LRRC4C: variants seen among roughly 807,000 people sequenced by gnomAD.
LRRC4C encodes leucine-rich repeat-containing protein 4C.
Under a neutral mutation model 33.6 loss-of-function variants are expected in LRRC4C, and 5 were observed. The observed-to-expected ratio is 0.15, with a 90% CI of 0.08 to 0.31. The LOEUF is 0.31. LRRC4C is among the 10% of genes least tolerant of loss of function. LRRC4C has a pLI of 1.00. For synonymous variants in LRRC4C, 329 were observed against 302.0 expected (o/e 1.09, Z -0.93); for missense variants, 560 against 796.7 (o/e 0.70, Z 3.58).
chr11:40,713,046 G>A (rs1462554981), intron 2 of LRRC4C, among the ~76,000 whole-genome samples: 1 of 144,562 alleles, frequency 6.9e-6, no homozygotes, highest in Non-Finnish European at 1.5e-5. Flanking sequence ...ATGCCACAAT[G>A]CCTGGCTAAT....
Position 41,302,252 on chromosome 11 carries a change from G to T in LRRC4C, c.-496+157179C>A, listed in dbSNP as rs528769150. On this transcript the variant is annotated intron_variant, in intron 1 of 6. Coordinates refer to ENST00000528697, the MANE Select transcript of LRRC4C (RefSeq NM_001258419.2). Reference sequence around the variant, plus strand: ...ACCTCAAATAGATAAATATTTGAGAGGAAATGTGGAATGGACTGTAACCTT... The same window carrying T: ...ACCTCAAATAGATAAATATTTGAGATGAAATGTGGAATGGACTGTAACCTT... Among the ~76,000 whole-genome samples, 8 of 152,292 alleles carry T rather than the reference G, an allele frequency of 5.3e-5. No individual in the cohort carries two copies. In the East Asian group the frequency reaches 1.5e-3, roughly 29 times the overall value.
At chr11:41,182,394 A>T (rs1214601320) in intron 1 of LRRC4C, among the ~76,000 whole-genome samples, 2 of 152,172 alleles carry the variant, frequency 1.3e-5, no homozygotes, top group Non-Finnish European at 2.9e-5. Context: ...AAAACTACCA[A>T]TTTATCTCTA....
chr11:40,140,422 G>A (rs7952540), intron 6 of LRRC4C, among the ~76,000 whole-genome samples: 42,978 of 151,908 alleles, frequency 0.28, 6,476 homozygotes, highest in Non-Finnish European at 0.33. Flanking sequence ...TTCTGTCCAT[G>A]AGCCACCAAT....
chr11:40,368,515 A>C (rs1948312614), intron 3 of LRRC4C, among the ~76,000 whole-genome samples: 1 of 152,190 alleles, frequency 6.6e-6, no homozygotes, highest in Non-Finnish European at 1.5e-5. Context: ...ACTAGACAGT[A>C]CGTTTTATAT....
chr11:40,353,039 T>A (rs1220585067), intron 3 of LRRC4C, among the ~76,000 whole-genome samples: 1 of 152,184 alleles, frequency 6.6e-6, no homozygotes, highest in African/African-American at 2.4e-5. Flanking sequence ...CTTTGATTAT[T>A]AAATGTATTG....
At chr11:40,414,469 A>T (rs760042177) in intron 3 of LRRC4C, among the ~76,000 whole-genome samples, 1 of 152,170 alleles carries the variant, frequency 6.6e-6, no homozygotes, top group Non-Finnish European at 1.5e-5. Flanking sequence ...GCCATCTTAA[A>T]GTTTAGGCTT....
intron 1 of LRRC4C, among the ~76,000 whole-genome samples, chr11:41,428,117 C>T (rs942908670): frequency 9.2e-5 from 14 of 152,052 alleles, no homozygotes; most frequent in African/African-American, 2.7e-4. Context: ...CACATGGATA[C>T]GAGTGAGAAA....
At chr11:41,169,693 A>G (rs536747790) in intron 1 of LRRC4C, among the ~76,000 whole-genome samples, 1 of 152,300 alleles carries the variant, frequency 6.6e-6, no homozygotes, top group Admixed American at 6.5e-5. Context: ...ACTTTAAATT[A>G]CAGCAATAAA....
intron 1 of LRRC4C, among the ~76,000 whole-genome samples, chr11:41,377,841 T>G (rs530597301): frequency 1.3e-5 from 2 of 150,262 alleles, no homozygotes; most frequent in Non-Finnish European, 2.9e-5. Flanking sequence ...AACAGTGACT[T>G]TCCAGCAGCT....
At chr11:41,093,369 C>G (rs1940567406) in intron 1 of LRRC4C, among the ~76,000 whole-genome samples, 1 of 152,196 alleles carries the variant, frequency 6.6e-6, no homozygotes, top group South Asian at 2.1e-4. Context: ...CAACTTGCAG[C>G]AGCAACAATT....
intron 3 of LRRC4C, among the ~76,000 whole-genome samples, chr11:40,358,347 C>A (rs1947778641): frequency 6.6e-6 from 1 of 152,068 alleles, no homozygotes; most frequent in African/African-American, 2.4e-5. Flanking sequence ...GCGGTGGGAT[C>A]TTGGCTAACT....
intron 2 of LRRC4C, among the ~76,000 whole-genome samples, chr11:40,780,115 C>T (rs937679603): frequency 1.3e-5 from 2 of 152,074 alleles, no homozygotes; most frequent in African/African-American, 2.4e-5. Flanking sequence ...CTGAAAAATA[C>T]TAAAATATTA....
chr11:40,573,507 T>C (rs1326615136), intron 3 of LRRC4C, among the ~76,000 whole-genome samples: 4 of 152,182 alleles, frequency 2.6e-5, no homozygotes, highest in Non-Finnish European at 4.4e-5. Context: ...TAACTGTTTC[T>C]TTTTTCAGAC....
chr11:41,231,419 TGGA>T (rs1947788278), intron 1 of LRRC4C, among the ~76,000 whole-genome samples: 1 of 151,702 alleles, frequency 6.6e-6, no homozygotes. Context: ...ATATACACCA[TGGA>T]ATACTATGCA....
chr11:40,472,723 GAAGAA>G (rs902400530), intron 3 of LRRC4C, among the ~76,000 whole-genome samples: 4 of 151,822 alleles, frequency 2.6e-5, no homozygotes, highest in Non-Finnish European at 4.4e-5. Context: ...GACTCATAAA[GAAGAA>G]AAGATAGTAT....
chr11:40,299,415 C>A, intron 4 of LRRC4C, among the ~76,000 whole-genome samples: 1 of 152,152 alleles, frequency 6.6e-6, no homozygotes, highest in Non-Finnish European at 1.5e-5. Flanking sequence ...CCCATTCTAG[C>A]TCCTCTCTAG....
At chr11:40,459,001 A>G (rs1382763748) in intron 3 of LRRC4C, among the ~76,000 whole-genome samples, 1 of 152,188 alleles carries the variant, frequency 6.6e-6, no homozygotes, top group Non-Finnish European at 1.5e-5. Flanking sequence ...ACACACATAC[A>G]TGCATATACA....
intron 3 of LRRC4C, among the ~76,000 whole-genome samples, chr11:40,364,349 C>A (rs1248830369): frequency 6.6e-6 from 1 of 151,814 alleles, no homozygotes; most frequent in Non-Finnish European, 1.5e-5. Context: ...TTCAAGAAAG[C>A]CAATGAAAAG....
intron 1 of LRRC4C, among the ~76,000 whole-genome samples, chr11:41,071,395 G>A (rs1938671127): frequency 6.6e-6 from 1 of 151,978 alleles, no homozygotes; most frequent in Non-Finnish European, 1.5e-5. Flanking sequence ...CTGCACATGT[G>A]TCCCGGAACT....
Sources: allele counts gnomAD v4.1 joint callset (sites outside exome capture counted in the v4.1 genomes callset), GRCh38; gene constraint gnomAD v4.1.1; transcripts MANE v1.5; gene names NCBI Gene and HGNC (gene_info 2026-07-23, HGNC 2026-07-21).